LIMD1: variants seen among roughly 807,000 people sequenced by gnomAD.
The protein encoded by LIMD1 is LIM domain containing 1, also known as LIM domain-containing protein 1.
A neutral mutation model predicts 58.4 loss-of-function variants in LIMD1; 23 were observed. The observed-to-expected ratio is 0.39, with a 90% CI of 0.28 to 0.56. The LOEUF (loss-of-function observed/expected upper bound fraction) is 0.56, where lower values mean the gene tolerates loss of function less well. LIMD1 is among the 20% of genes least tolerant of loss of function. The probability of loss-of-function intolerance (pLI) is 0.57; values close to 1 mark genes in which losing one functional copy is unlikely to be tolerated. For missense variants in LIMD1, 838 were observed against 855.5 expected, an observed-to-expected ratio of 0.98 and a Z score of 0.25; for synonymous variants, 334 against 345.5, an observed-to-expected ratio of 0.97 and a Z score of 0.37.
At chr3:45,599,482 C>T (rs528840444) in intron 1 of LIMD1, among the ~76,000 whole-genome samples, 6 of 152,118 alleles carry the variant, frequency 3.9e-5, no homozygotes, top group African/African-American at 7.2e-5. Flanking sequence ...CAGTGAAAAT[C>T]GAGCCTCTTT....
intron 2 of LIMD1, among the ~76,000 whole-genome samples, chr3:45,660,712 G>A (rs1697425091): frequency 1.3e-5 from 2 of 152,062 alleles, no homozygotes; most frequent in Admixed American, 6.6e-5. Flanking sequence ...CACCGCGCCC[G>A]GCCAGGTGGG....
chr3:45,651,561 G>A (rs1009622884), intron 2 of LIMD1, among the ~76,000 whole-genome samples: 8 of 152,160 alleles, frequency 5.3e-5, no homozygotes, highest in Non-Finnish European at 1.0e-4. Flanking sequence ...TGGCTAGCCA[G>A]TTTTCCCAGC....
intron 2 of LIMD1, among the ~76,000 whole-genome samples, chr3:45,645,498 C>T (rs957952593): frequency 5.3e-5 from 8 of 152,158 alleles, no homozygotes; most frequent in African/African-American, 1.7e-4. Flanking sequence ...ACCTTTCCTC[C>T]GTGGTAGTCC....
At chr3:45,665,782 G>T (rs1697507930) in intron 3 of LIMD1, 65 bp downstream of exon 3, 1 of 1,400,110 alleles carries the variant, frequency 7.1e-7, no homozygotes, top group Non-Finnish European at 1.0e-6. Flanking sequence ...GGGGCCTGGG[G>T]GGACCTGGGC....
At chr3:45,627,173 C>T (rs978229707) in intron 1 of LIMD1, among the ~76,000 whole-genome samples, 2 of 152,118 alleles carry the variant, frequency 1.3e-5, no homozygotes, top group African/African-American at 4.8e-5. Flanking sequence ...CTCCTAGCTG[C>T]AGCCAAGAAG....
At chr3:45,636,084 G>A (rs1701785249) in intron 1 of LIMD1, 66 bp from the exon 2 acceptor site, 1 of 1,603,334 alleles carries the variant, frequency 6.2e-7, no homozygotes. Flanking sequence ...TTGTTCATTG[G>A]CTTTTTTATG....
chr3:45,618,982 C>T (rs987554063), intron 1 of LIMD1, among the ~76,000 whole-genome samples: 4 of 152,064 alleles, frequency 2.6e-5, no homozygotes, highest in Non-Finnish European at 4.4e-5. Context: ...AAAATTATTG[C>T]GTTGTAAACT....
intron 2 of LIMD1, among the ~76,000 whole-genome samples, chr3:45,636,876 C>T (rs889713402): frequency 2.0e-5 from 3 of 152,190 alleles, no homozygotes; most frequent in Admixed American, 6.5e-5. Flanking sequence ...AACCGCTCCC[C>T]GTGGAAGATT....
intron 1 of LIMD1, among the ~76,000 whole-genome samples, chr3:45,599,077 C>T (rs1701385119): frequency 6.6e-6 from 1 of 152,134 alleles, no homozygotes; most frequent in South Asian, 2.1e-4. Flanking sequence ...GCCCATGTGT[C>T]TAACCAGCAT....
intron 2 of LIMD1, among the ~76,000 whole-genome samples, chr3:45,636,879 G>A (rs1408257516): frequency 6.6e-6 from 1 of 152,184 alleles, no homozygotes; most frequent in African/African-American, 2.4e-5. Flanking sequence ...CGCTCCCCGT[G>A]GAAGATTCTA....
intron 2 of LIMD1, among the ~76,000 whole-genome samples, chr3:45,645,893 T>G (rs921265593): frequency 2.6e-5 from 4 of 152,154 alleles, no homozygotes; most frequent in African/African-American, 9.7e-5. Context: ...GCACCCATAG[T>G]TGCCCATCAG....
intron 1 of LIMD1, among the ~76,000 whole-genome samples, chr3:45,608,227 A>C (rs1256075272): frequency 6.6e-6 from 1 of 152,122 alleles, no homozygotes; most frequent in Non-Finnish European, 1.5e-5. Flanking sequence ...TGGAGACTGG[A>C]GGTCCTGTGC....
chr3:45,672,711 T>C lies in LIMD1; in HGVS notation c.1663T>C (p.Ser555Pro), dbSNP rs1697602148. Reference sequence around the variant, plus strand: ...CCAGATCCTGCAAGCCCTGGGGAAGTCCTACCACCCCGGCTGTTTCCGCTG... The same window carrying C: ...CCAGATCCTGCAAGCCCTGGGGAAGCCCTACCACCCCGGCTGTTTCCGCTG... ...MDMILQALGKSYHPGCFRCVI... is the reference protein window; with the variant it reads ...MDMILQALGKPYHPGCFRCVI... The change falls in exon 5 of 8, where the codon TCC becomes CCC. Residue 555 changes from serine (S) to proline (P), a missense_variant. Ser to Pro is a moderately conservative substitution (Grantham distance 74). Transcript: ENST00000273317. 1 of 1,613,846 alleles carries C rather than the reference T, an allele frequency of 6.2e-7. No homozygotes were observed. The highest frequency in any genetic ancestry group is 1.3e-5 in the African/African-American group (1 of 74,892).
At chr3:45,615,248 C>G (rs910105828) in intron 1 of LIMD1, among the ~76,000 whole-genome samples, 2 of 152,216 alleles carry the variant, frequency 1.3e-5, no homozygotes, top group African/African-American at 2.4e-5. Flanking sequence ...GGAAAGTAAG[C>G]CTTATTTTAA....
At chr3:45,661,465 T>C (rs1697435999) in intron 2 of LIMD1, among the ~76,000 whole-genome samples, 1 of 152,260 alleles carries the variant, frequency 6.6e-6, no homozygotes, top group South Asian at 2.1e-4. Context: ...TGGGTTATCA[T>C]TTAATAGGAA....
Position 45,680,324 on chromosome 3 carries a change from T to C in LIMD1, c.*3265T>C, listed in dbSNP as rs144910133. The stretch of plus-strand genomic sequence containing the variant: ...ACCAAATTTTCTTTTCTTTTCTTTT[T>C]TTTTTTGAGACAGGGCCTCACTCTG... On this transcript the variant is annotated 3_prime_UTR_variant, in exon 8 of 8. Transcript: ENST00000273317. The C allele has an allele frequency of 0.041, 6,269 of 152,254 alleles. 122 individuals carry two copies. The highest frequency in any genetic ancestry group is 0.053 in the African/African-American group (2,212 of 41,500). 9.4% of individuals were successfully genotyped at this position (152,254 alleles called of 1,614,324 possible).
At chr3:45,674,563 TG>T (rs35956711) in intron 7 of LIMD1, 152 bp downstream of exon 7, 1 of 620,512 alleles carries the variant, frequency 1.6e-6, no homozygotes, top group Non-Finnish European at 2.9e-6. Context: ...GGCTGGTTCT[TG>T]GGGGAGGTAG....
intron 2 of LIMD1, among the ~76,000 whole-genome samples, chr3:45,661,795 A>G (rs181755074): frequency 2.0e-4 from 30 of 152,284 alleles, no homozygotes; most frequent in African/African-American, 4.8e-4. Flanking sequence ...GTCTCACTCT[A>G]TTGCCCAGGC....
chr3:45,650,466 C>T (rs1270054134), intron 2 of LIMD1, among the ~76,000 whole-genome samples: 1 of 151,904 alleles, frequency 6.6e-6, no homozygotes, highest in African/African-American at 2.4e-5. Flanking sequence ...AGGTATTTCT[C>T]CTAATGCTAT....
Sources: allele counts gnomAD v4.1 joint callset (sites outside exome capture counted in the v4.1 genomes callset), GRCh38; gene constraint gnomAD v4.1.1; transcripts MANE v1.5; gene names NCBI Gene and HGNC (gene_info 2026-07-23, HGNC 2026-07-21).